The following ATRNL1 variants were observed in gnomAD, a reference collection of about 807,000 sequenced individuals.
The protein encoded by ATRNL1 is attractin-like protein 1.
Under a neutral mutation model 182.7 loss-of-function variants are expected in ATRNL1, and 95 were observed. The ratio of observed to expected loss-of-function variants is 0.52; its 90% CI spans 0.44 to 0.62. The LOEUF (loss-of-function observed/expected upper bound fraction) is 0.62, where lower values mean the gene tolerates loss of function less well. Among genes scored for constraint, ATRNL1 ranks in the 20% least tolerant of loss-of-function variants. The pLI, the probability that ATRNL1 is intolerant of heterozygous loss-of-function variation, is 0.00. For missense variants in ATRNL1, 1,471 were observed against 1,679.5 expected, an observed-to-expected ratio of 0.88 and a Z score of 2.17; for synonymous variants, 576 against 568.3, an observed-to-expected ratio of 1.01 and a Z score of -0.19.
intron 8 of ATRNL1, among the ~76,000 whole-genome samples, chr10:115,207,848 G>A (rs971723448): frequency 2.0e-5 from 3 of 151,632 alleles, no homozygotes; most frequent in South Asian, 2.1e-4. Context: ...CCCCCATCCC[G>A]ATCTTGTGTG....
intron 26 of ATRNL1, among the ~76,000 whole-genome samples, chr10:115,717,477 GT>G (rs1232218377): frequency 1.4e-5 from 2 of 145,986 alleles, no homozygotes; most frequent in Non-Finnish European, 3.0e-5. Context: ...CTTTCTGTCT[GT>G]TTCTTGAATA....
intron 1 of ATRNL1, among the ~76,000 whole-genome samples, chr10:115,102,183 TA>T (rs782313823): frequency 1.3e-5 from 2 of 152,224 alleles, no homozygotes; most frequent in South Asian, 4.1e-4. Flanking sequence ...GAAACTATGT[TA>T]TTAGGTGCAT....
At chr10:115,898,754 G>A (rs975528336) in intron 28 of ATRNL1, among the ~76,000 whole-genome samples, 3 of 152,144 alleles carry the variant, frequency 2.0e-5, no homozygotes, top group African/African-American at 7.2e-5. Context: ...CCCCTGATAT[G>A]TTGTGTAGTT....
At chr10:115,502,306 T>G (rs1849884073) in intron 24 of ATRNL1, among the ~76,000 whole-genome samples, 1 of 152,098 alleles carries the variant, frequency 6.6e-6, no homozygotes, top group South Asian at 2.1e-4. Flanking sequence ...CCTAATATCT[T>G]AAAGGATTAA....
chr10:115,596,402 G>A (rs1006241426), intron 26 of ATRNL1, among the ~76,000 whole-genome samples: 7 of 152,126 alleles, frequency 4.6e-5, no homozygotes, highest in South Asian at 4.1e-4. Context: ...CACCACGCCC[G>A]GCCCGTCATT....
At chr10:115,851,917 C>T (rs1441714669) in intron 28 of ATRNL1, among the ~76,000 whole-genome samples, 1 of 152,164 alleles carries the variant, frequency 6.6e-6, no homozygotes, top group Admixed American at 6.5e-5. Context: ...TGACACTTAA[C>T]AACCAAGCAT....
At chr10:115,774,974 T>C (rs1482611710) in intron 27 of ATRNL1, among the ~76,000 whole-genome samples, 5 of 152,192 alleles carry the variant, frequency 3.3e-5, no homozygotes, top group African/African-American at 4.8e-5. Context: ...CGTTGACTAA[T>C]AGTCATAAGA....
chr10:115,322,475 A>G (rs1854633749), intron 18 of ATRNL1, among the ~76,000 whole-genome samples: 1 of 152,048 alleles, frequency 6.6e-6, no homozygotes. Context: ...GTTATAGGAC[A>G]AATAATACCA....
intron 5 of ATRNL1, among the ~76,000 whole-genome samples, chr10:115,133,557 A>G (rs955528421): frequency 4.6e-5 from 7 of 152,300 alleles, no homozygotes; most frequent in Admixed American, 3.9e-4. Context: ...GCAAGTCCTT[A>G]GAGGCCCACA....
intron 20 of ATRNL1, among the ~76,000 whole-genome samples, chr10:115,403,257 C>CTTTTTTTTTTTTT (rs59256867): frequency 1.8e-4 from 19 of 107,426 alleles, no homozygotes; most frequent in African/African-American, 8.8e-4. Context: ...TTACTCTCAT[C>CTTTTTTTTTTTTT]TTTTTTTTTT....
intron 24 of ATRNL1, among the ~76,000 whole-genome samples, chr10:115,501,310 T>C (rs1473738314): frequency 1.3e-5 from 2 of 152,132 alleles, no homozygotes; most frequent in Non-Finnish European, 2.9e-5. Flanking sequence ...TGAATTCCTC[T>C]TCTCTTGAGG....
At position 115,129,407 on chromosome 10, in the gene ATRNL1, A is replaced by T. The variant is rs782164196; in HGVS notation, c.701A>T (p.Glu234Val). The T allele has an allele frequency of 1.2e-6, 2 of 1,613,932 alleles. No individual in the cohort carries two copies. The highest frequency in any genetic ancestry group is 2.2e-5 in the South Asian group (2 of 91,090). The change falls in exon 5 of 29, where the codon GAA becomes GTA. Residue 234 changes from glutamate (E) to valine (V), a missense_variant. Physicochemically the swap from Glu to Val is moderately radical, Grantham distance 121. Coordinates refer to ENST00000355044, the MANE Select transcript of ATRNL1 (RefSeq NM_207303.4). ...SVSVPSQVYC[E>V]CDKYWKGEAC... ...TCTGTTCCAAGTCAAGTATATTGTG[A>T]ATGTGATAAATACTGGAAGGGTGAA...
At chr10:115,529,608 C>T (rs1373439968) in intron 25 of ATRNL1, among the ~76,000 whole-genome samples, 2 of 151,790 alleles carry the variant, frequency 1.3e-5, no homozygotes, top group Non-Finnish European at 2.9e-5. Flanking sequence ...TTTTAACAAG[C>T]ATATTTCCCT....
At chr10:115,533,550 C>A (rs1408560237) in intron 25 of ATRNL1, among the ~76,000 whole-genome samples, 2 of 152,120 alleles carry the variant, frequency 1.3e-5, no homozygotes, top group African/African-American at 2.4e-5. Context: ...TTTCAAAAAA[C>A]CAGCTCCTGG....
chr10:115,429,963 C>G (rs976498071), intron 21 of ATRNL1, among the ~76,000 whole-genome samples: 3 of 152,082 alleles, frequency 2.0e-5, no homozygotes, highest in Non-Finnish European at 2.9e-5. Context: ...CCCAGCTACT[C>G]CGGAGACTGA....
intron 28 of ATRNL1, among the ~76,000 whole-genome samples, chr10:115,922,018 A>C (rs942250587): frequency 6.6e-6 from 1 of 152,160 alleles, no homozygotes. Context: ...GGTGAAGGAT[A>C]GCTCAGCCAT....
At chr10:115,268,528 G>GA (rs1159451562) in intron 13 of ATRNL1, 84 bp downstream of exon 13, 13 of 935,614 alleles carry the variant, frequency 1.4e-5, no homozygotes, top group Non-Finnish European at 1.9e-5. Flanking sequence ...TAGCACTGTA[G>GA]AAAAAAAGCA....
chr10:115,269,845 TCAC>T (rs1245551619), intron 13 of ATRNL1, among the ~76,000 whole-genome samples: 1 of 151,774 alleles, frequency 6.6e-6, no homozygotes, highest in East Asian at 1.9e-4. Flanking sequence ...AAAAAATTCT[TCAC>T]TAATTAATAA....
chr10:115,195,556 T>G lies in ATRNL1; in HGVS notation c.1349-20141T>G, dbSNP rs543322721. Among the ~76,000 whole-genome samples, 111 of 152,168 alleles carry G rather than the reference T, an allele frequency of 7.3e-4. 4 individuals carry two copies. The South Asian group carries it at 0.023, about 31-fold the overall frequency. On this transcript the variant is annotated intron_variant, in intron 8 of 28. Coordinates refer to ENST00000355044, the MANE Select transcript of ATRNL1 (RefSeq NM_207303.4). ...GTTCCTTATCCTTGACCTTTGAGAG[T>G]CTGAATATTATATACCTTGAAGTAG... is the stretch of plus-strand genomic sequence containing the variant.
Sources: gnomAD v4.1 joint callset for allele counts (sites outside exome capture counted in the v4.1 genomes callset) on GRCh38, gnomAD v4.1.1 for gene constraint, MANE v1.5 for transcripts, NCBI Gene and HGNC (gene_info 2026-07-23, HGNC 2026-07-21) for gene names.